Variants in SGMS1 observed in about 807,000 individuals in gnomAD.
The protein encoded by SGMS1 is sphingomyelin synthase 1.
Under a neutral mutation model 46.2 loss-of-function variants are expected in SGMS1, and 13 were observed. That is an observed-to-expected ratio of 0.28 (90% confidence interval 0.18 to 0.45). SGMS1 has a LOEUF of 0.45. Ranked by LOEUF, SGMS1 falls within the 20% of genes least tolerant of loss-of-function variation. The pLI is 1.00. For missense variants in SGMS1, 324 were observed against 519.9 expected, an observed-to-expected ratio of 0.62 and a Z score of 3.66; for synonymous variants, 203 against 187.8, an observed-to-expected ratio of 1.08 and a Z score of -0.66.
chr10:50,484,619 T>C (rs1370758910), intron 3 of SGMS1, among the ~76,000 whole-genome samples: 3 of 152,150 alleles, frequency 2.0e-5, no homozygotes, highest in African/African-American at 7.2e-5. Flanking sequence ...GCCAATATCC[T>C]TGATGAACAT....
rs1051600069 is a variant in SGMS1, at chr10:50,410,456, G to A, written c.-232+23020C>T. Among the ~76,000 whole-genome samples the A allele has an allele frequency of 4.6e-5, 7 of 152,242 alleles. No individual in the cohort carries two copies. The South Asian group carries it at 1.0e-3, about 23-fold the overall frequency. Reference sequence around the variant, plus strand: ...TGTGGTGACATTAAAGTAAAAACTCGAGCTGAATACCTTATTGTGAGAATG... The same window carrying A: ...TGTGGTGACATTAAAGTAAAAACTCAAGCTGAATACCTTATTGTGAGAATG... On this transcript the variant is annotated intron_variant, in intron 6 of 10. Transcript: ENST00000361781.
chr10:50,621,412 T>C (rs1157630905), intron 1 of SGMS1, among the ~76,000 whole-genome samples: 2 of 152,250 alleles, frequency 1.3e-5, no homozygotes, highest in African/African-American at 4.8e-5. Context: ...TAAATATTCT[T>C]TAAATGTCAA....
At chr10:50,617,881 ATT>A (rs1232490399) in intron 1 of SGMS1, among the ~76,000 whole-genome samples, 9 of 134,224 alleles carry the variant, frequency 6.7e-5, no homozygotes, top group East Asian at 2.2e-4. Context: ...CCCTGGCTTA[ATT>A]TTTTTTTTTT....
intron 2 of SGMS1, among the ~76,000 whole-genome samples, chr10:50,562,481 A>G (rs1838249193): frequency 6.6e-6 from 1 of 152,066 alleles, no homozygotes; most frequent in Non-Finnish European, 1.5e-5. Context: ...ATGTTTGAAA[A>G]ACACTATTGC....
chr10:50,374,149 G>A (rs1247155703), intron 6 of SGMS1, among the ~76,000 whole-genome samples: 2 of 152,092 alleles, frequency 1.3e-5, no homozygotes, highest in Non-Finnish European at 2.9e-5. Flanking sequence ...ATTTACAAAA[G>A]CCAAATCACT....
chr10:50,488,344 C>CA (rs1299509251), intron 3 of SGMS1, among the ~76,000 whole-genome samples: 1 of 152,034 alleles, frequency 6.6e-6, no homozygotes, highest in Non-Finnish European at 1.5e-5. Flanking sequence ...CAAGAGCCTC[C>CA]AGAACCCAAT....
In SGMS1 at chr10:50,458,339, C is replaced by CTTTTTTTTTT. The variant is rs750349777; in HGVS notation, c.-313+2324_-313+2333dup. Among the ~76,000 whole-genome samples the CTTTTTTTTTT allele has an allele frequency of 4.9e-3, 472 of 97,096 alleles. 17 individuals carry two copies. The highest frequency in any genetic ancestry group is 5.7e-3 in the Non-Finnish European group (299 of 52,208). 63.7% of individuals were successfully genotyped at this position (97,096 alleles called of 152,430 possible). A position where few individuals can be genotyped will look rare whatever the true frequency, so the allele number is the denominator to read the frequency against. ...TCTGGCTCTGCTATTTTCTTTTTCT[C>CTTTTTTTTTT]TTTTTTTTTTTTTTTTTTTTTTTTT... On this transcript the variant is annotated intron_variant, in intron 5 of 10. Coordinates refer to ENST00000361781, the MANE Select transcript of SGMS1 (RefSeq NM_147156.4).
intron 2 of SGMS1, among the ~76,000 whole-genome samples, chr10:50,543,803 T>G (rs1012278519): frequency 1.3e-5 from 2 of 151,814 alleles, no homozygotes; most frequent in African/African-American, 4.8e-5. Flanking sequence ...AACCAAAAGA[T>G]TTTTTTTTAC....
intron 2 of SGMS1, among the ~76,000 whole-genome samples, chr10:50,569,576 G>A (rs551248320): frequency 1.1e-4 from 16 of 152,214 alleles, no homozygotes; most frequent in African/African-American, 3.6e-4. Context: ...AGCTTTACTG[G>A]TCATTTGTCT....
chr10:50,615,540 C>T (rs1235721488), intron 1 of SGMS1, among the ~76,000 whole-genome samples: 1 of 152,126 alleles, frequency 6.6e-6, no homozygotes, highest in Non-Finnish European at 1.5e-5. Context: ...AGGCTGAGAT[C>T]CAAACCCAGG....
In SGMS1 at chr10:50,344,001, G is replaced by A. The variant is rs759490463; in HGVS notation, c.114C>T (p.Asn38=). 3.7e-6 allele frequency: 6 copies of A among 1,614,158 alleles called. No homozygotes were observed. Among genetic ancestry groups the A allele is most frequent in the East Asian group, 4.5e-5 (2 of 44,884 alleles). The change falls in exon 7 of 11, where the codon AAC becomes AAT. Residue 38 remains asparagine, a synonymous_variant. Coordinates refer to ENST00000361781, the MANE Select transcript of SGMS1 (RefSeq NM_147156.4). ...LEHFTGQDLI[N]LTQEDFKKPP... Reference sequence around the variant, plus strand: ...GTTTTTTGAAATCCTCTTGGGTTAGGTTGATCAAGTCCTGGCCTGTGAAAT... The same window carrying A: ...GTTTTTTGAAATCCTCTTGGGTTAGATTGATCAAGTCCTGGCCTGTGAAAT...
intron 1 of SGMS1, among the ~76,000 whole-genome samples, chr10:50,613,615 A>G (rs982482415): frequency 1.3e-5 from 2 of 152,228 alleles, no homozygotes; most frequent in Non-Finnish European, 2.9e-5. Flanking sequence ...ACAGGCTGAC[A>G]GGGTCACAGG....
chr10:50,571,467 A>G (rs1019628785), intron 2 of SGMS1, among the ~76,000 whole-genome samples: 1 of 152,200 alleles, frequency 6.6e-6, no homozygotes, highest in African/African-American at 2.4e-5. Flanking sequence ...CACCTTTTCC[A>G]TTTCCTGCAG....
At chr10:50,476,553 G>A (rs556651605) in intron 3 of SGMS1, among the ~76,000 whole-genome samples, 43 of 152,324 alleles carry the variant, frequency 2.8e-4, no homozygotes, top group African/African-American at 8.2e-4. Flanking sequence ...GGAGCTGAAC[G>A]TTAATAGCCA....
chr10:50,428,175 C>T (rs61856788), intron 6 of SGMS1, among the ~76,000 whole-genome samples: 26,855 of 152,000 alleles, frequency 0.18, 2,724 homozygotes, highest in Admixed American at 0.24. Context: ...TGGCTCCTTG[C>T]AGATAAGCTG....
intron 2 of SGMS1, among the ~76,000 whole-genome samples, chr10:50,535,129 G>T (rs1370993825): frequency 6.6e-6 from 1 of 152,028 alleles, no homozygotes; most frequent in African/African-American, 2.4e-5. Context: ...CTACTCGGGA[G>T]CCTGAGGGAG....
intron 2 of SGMS1, among the ~76,000 whole-genome samples, chr10:50,541,938 T>C (rs571406705): frequency 1.3e-5 from 2 of 152,356 alleles, no homozygotes; most frequent in African/African-American, 4.8e-5. Flanking sequence ...TTGATTTTTT[T>C]CCTGCCAACA....
intron 8 of SGMS1, among the ~76,000 whole-genome samples, chr10:50,318,614 A>G (rs1847387494): frequency 6.6e-6 from 1 of 152,084 alleles, no homozygotes; most frequent in Non-Finnish European, 1.5e-5. Flanking sequence ...CACTCAAGAG[A>G]CTTTTATGTG....
chr10:50,343,130 G>C (rs1051479981), intron 7 of SGMS1: 1 of 168,566 alleles, frequency 5.9e-6, no homozygotes, highest in Admixed American at 5.7e-5. Flanking sequence ...TAGGCCAACT[G>C]TCGATTTATT....
Sources: gnomAD v4.1 joint callset for allele counts (sites outside exome capture counted in the v4.1 genomes callset) on GRCh38, gnomAD v4.1.1 for gene constraint, MANE v1.5 for transcripts, NCBI Gene and HGNC (gene_info 2026-07-23, HGNC 2026-07-21) for gene names.